The following NOS1AP variants were observed in gnomAD, a reference collection of about 807,000 sequenced individuals.
NOS1AP encodes nitric oxide synthase 1 adaptor protein.
A neutral mutation model predicts 56.2 loss-of-function variants in NOS1AP; 21 were observed. That is an observed-to-expected ratio of 0.37 (90% CI 0.26 to 0.54). The LOEUF (loss-of-function observed/expected upper bound fraction) is 0.54, where lower values mean the gene tolerates loss of function less well. Ranked by LOEUF, NOS1AP falls within the 20% of genes least tolerant of loss-of-function variation. The probability of loss-of-function intolerance (pLI) is 0.84; values close to 1 mark genes in which losing one functional copy is unlikely to be tolerated. For synonymous variants in NOS1AP, 270 were observed against 274.6 expected, an observed-to-expected ratio of 0.98 and a Z score of 0.17; for missense variants, 522 against 657.8, an observed-to-expected ratio of 0.79 and a Z score of 2.26.
intron 3 of NOS1AP, among the ~76,000 whole-genome samples, chr1:162,296,201 C>T (rs544409884): frequency 2.8e-4 from 42 of 152,272 alleles, no homozygotes; most frequent in African/African-American, 6.3e-4. Context: ...GCAGGAGAAT[C>T]GCTTGAACCC....
chr1:162,199,667 C>T (rs943632571), intron 2 of NOS1AP, among the ~76,000 whole-genome samples: 4 of 151,172 alleles, frequency 2.6e-5, no homozygotes, highest in African/African-American at 7.3e-5. Flanking sequence ...TGCAAATCCT[C>T]CTGCCCTGAC....
intron 3 of NOS1AP, among the ~76,000 whole-genome samples, chr1:162,291,647 TG>T (rs1004932052): frequency 6.6e-6 from 1 of 152,196 alleles, no homozygotes; most frequent in African/African-American, 2.4e-5. Context: ...CAACTTTCAT[TG>T]AGTTGTAAAA....
intron 1 of NOS1AP, among the ~76,000 whole-genome samples, chr1:162,097,506 A>C (rs1274666695): frequency 6.6e-6 from 1 of 152,214 alleles, no homozygotes; most frequent in Non-Finnish European, 1.5e-5. Context: ...CTAAGGTTTT[A>C]AAGTTTGCCT....
At chr1:162,356,875 C>T in intron 7 of NOS1AP, 85 bp from the exon 8 acceptor site, 1 of 1,608,688 alleles carries the variant, frequency 6.2e-7, no homozygotes, top group Non-Finnish European at 8.5e-7. Flanking sequence ...CCAATTTGCT[C>T]CTCCTGAGTG....
At chr1:162,219,189 A>T (rs568683252) in intron 2 of NOS1AP, among the ~76,000 whole-genome samples, 129 of 152,268 alleles carry the variant, frequency 8.5e-4, no homozygotes, top group African/African-American at 2.9e-3. Context: ...GGGAATAAGT[A>T]CACCCACTTC....
At chr1:162,318,334 C>T (rs1356717042) in intron 4 of NOS1AP, among the ~76,000 whole-genome samples, 1 of 152,200 alleles carries the variant, frequency 6.6e-6, no homozygotes, top group Non-Finnish European at 1.5e-5. Context: ...CTTTTCAGCT[C>T]ATTTTAATTG....
At chr1:162,278,618 T>G (rs995155126) in intron 2 of NOS1AP, among the ~76,000 whole-genome samples, 2 of 151,880 alleles carry the variant, frequency 1.3e-5, no homozygotes, top group African/African-American at 4.8e-5. Context: ...CCGTAAATCC[T>G]TGATTCATGA....
At chr1:162,335,842 G>T (rs1049116964) in intron 5 of NOS1AP, among the ~76,000 whole-genome samples, 4 of 152,162 alleles carry the variant, frequency 2.6e-5, no homozygotes, top group South Asian at 2.1e-4. Context: ...TGGGGAAAGG[G>T]TTACCTCCTC....
intron 4 of NOS1AP, among the ~76,000 whole-genome samples, chr1:162,304,434 A>C (rs575999285): frequency 3.3e-5 from 5 of 152,232 alleles, no homozygotes; most frequent in Non-Finnish European, 7.3e-5. Context: ...GAAATCAGGT[A>C]GTAATAGTCT....
intron 1 of NOS1AP, among the ~76,000 whole-genome samples, chr1:162,090,691 T>G (rs542442132): frequency 2.0e-5 from 3 of 152,078 alleles, no homozygotes; most frequent in African/African-American, 7.2e-5. Flanking sequence ...TTATTTTTTC[T>G]TATATTTCTT....
chr1:162,170,875 G>T (rs1650742107), intron 2 of NOS1AP, among the ~76,000 whole-genome samples: 1 of 151,150 alleles, frequency 6.6e-6, no homozygotes, highest in South Asian at 2.1e-4. Context: ...GGAGGCGGAG[G>T]TTGCAGTGAG....
At chr1:162,349,058 A>G (rs534807416) in intron 6 of NOS1AP, among the ~76,000 whole-genome samples, 1 of 152,246 alleles carries the variant, frequency 6.6e-6, no homozygotes, top group South Asian at 2.1e-4. Context: ...GTGGTGGCGC[A>G]TGCCTGTAAT....
chr1:162,139,638 T>C (rs1174704237), intron 1 of NOS1AP, among the ~76,000 whole-genome samples: 1 of 152,226 alleles, frequency 6.6e-6, no homozygotes, highest in Admixed American at 6.5e-5. Context: ...CTGTCAGGGA[T>C]GTTTGTTTAG....
intron 2 of NOS1AP, among the ~76,000 whole-genome samples, chr1:162,256,527 A>G (rs888367900): frequency 1.3e-5 from 2 of 152,208 alleles, no homozygotes; most frequent in Non-Finnish European, 2.9e-5. Flanking sequence ...CTGTCCTTGA[A>G]CAACAGCATC....
intron 2 of NOS1AP, among the ~76,000 whole-genome samples, chr1:162,199,733 T>A (rs943223576): frequency 6.6e-6 from 1 of 152,114 alleles, no homozygotes; most frequent in African/African-American, 2.4e-5. Flanking sequence ...AGTCCTGTTC[T>A]GGGATACAAT....
At chr1:162,115,343 C>T (rs556963920) in intron 1 of NOS1AP, among the ~76,000 whole-genome samples, 2 of 151,782 alleles carry the variant, frequency 1.3e-5, no homozygotes, top group African/African-American at 4.8e-5. Context: ...TAATGACTCC[C>T]TAGCTATGTG....
At chr1:162,307,135 G>GA (rs1024081629) in intron 4 of NOS1AP, among the ~76,000 whole-genome samples, 1 of 151,916 alleles carries the variant, frequency 6.6e-6, no homozygotes, top group African/African-American at 2.4e-5. Flanking sequence ...ATGCTTCCTA[G>GA]AAAAAAATAA....
chr1:162,361,661 T>C (rs1208039922), intron 8 of NOS1AP, among the ~76,000 whole-genome samples: 2 of 152,216 alleles, frequency 1.3e-5, no homozygotes, highest in Non-Finnish European at 2.9e-5. Flanking sequence ...TGAAATAGTG[T>C]AACTGGGTTT....
At chr1:162,268,214 G>A (rs1007449077) in intron 2 of NOS1AP, among the ~76,000 whole-genome samples, 3 of 151,120 alleles carry the variant, frequency 2.0e-5, no homozygotes, top group Non-Finnish European at 4.4e-5. Flanking sequence ...AGCCTAGATC[G>A]TGTCATGCTA....
Sources: gnomAD v4.1 joint callset for allele counts (sites outside exome capture counted in the v4.1 genomes callset) on GRCh38, gnomAD v4.1.1 for gene constraint, MANE v1.5 for transcripts, NCBI Gene and HGNC (gene_info 2026-07-23, HGNC 2026-07-21) for gene names.